The following VASH2 variants were observed in gnomAD, a reference collection of about 807,000 sequenced individuals.
VASH2 encodes the protein tubulinyl-Tyr carboxypeptidase 2.
In VASH2, 28 loss-of-function variants were observed where a neutral mutation model predicts 37.2. The ratio of observed to expected loss-of-function variants is 0.75; its 90% CI spans 0.56 to 1.03. The LOEUF (loss-of-function observed/expected upper bound fraction) is 1.03. Among genes scored for constraint, VASH2 ranks in the 50% least tolerant of loss-of-function variants. The pLI, the probability that VASH2 is intolerant of heterozygous loss-of-function variation, is 0.00. For synonymous variants in VASH2, 188 were observed against 174.7 expected (o/e 1.08, Z -0.60); for missense variants, 419 against 459.1 (o/e 0.91, Z 0.80).
At chr1:212,979,733 C>A (rs1041835802) in intron 7 of VASH2, among the ~76,000 whole-genome samples, 54 of 152,164 alleles carry the variant, frequency 3.5e-4, no homozygotes, top group African/African-American at 1.3e-3. Context: ...AGAGGGAAAC[C>A]AGGACTCCCC....
intron 2 of VASH2, among the ~76,000 whole-genome samples, chr1:212,957,411 CA>C (rs1666530463): frequency 6.6e-6 from 1 of 152,102 alleles, no homozygotes; most frequent in Non-Finnish European, 1.5e-5. Flanking sequence ...TCATTGTCAC[CA>C]ATGCATCCCC....
chr1:212,962,766 A>G (rs1666716687), intron 3 of VASH2, among the ~76,000 whole-genome samples: 1 of 152,218 alleles, frequency 6.6e-6, no homozygotes. Context: ...CCGGTCTCCA[A>G]GAGTGAGGCT....
rs1425924285 is a variant in VASH2, at chr1:212,961,219, G to A, written c.330G>A (p.Trp110Ter). Residue 110 changes from tryptophan to a stop codon, truncating the protein, a stop_gained, in exon 3 of 8, where the codon TGG becomes TGA. Coordinates refer to ENST00000517399, the MANE Select transcript of VASH2 (RefSeq NM_001301056.2). LOFTEE classifies it high-confidence loss of function. ...GGCTGTCGATGACGATCCCAGACTG[G>A]CTCCAGGCGATCCAGAATTACATGA... Reference protein sequence around the residue: ...NYRLSMTIPDWLQAIQNYMKT... With the variant: ...NYRLSMTIPD The A allele has an allele frequency of 6.2e-7, 1 of 1,614,076 alleles. No individual in the cohort carries two copies. Among genetic ancestry groups the A allele is most frequent in the African/African-American group, 1.3e-5 (1 of 74,924 alleles).
At chr1:212,959,560 A>G (rs1398886969) in intron 2 of VASH2, among the ~76,000 whole-genome samples, 1 of 152,250 alleles carries the variant, frequency 6.6e-6, no homozygotes, top group Non-Finnish European at 1.5e-5. Context: ...TTTCAAAGCC[A>G]AGAGAGAATT....
rs540211756 is a variant in VASH2, at chr1:212,989,020, T to A, written c.*436T>A. The A allele has an allele frequency of 4.8e-5, 8 of 167,412 alleles. No individual in the cohort carries two copies. Among genetic ancestry groups the A allele is most frequent in the South Asian group, 1.5e-4 (1 of 6,514 alleles). The allele number at this position is 167,412 out of a possible 1,614,324, so 10.4% of individuals were successfully genotyped here. ...AAAGCAAAAATGGGTGGGTTTTTTTTAAGCAGTTATTACCTCAGCATTTTG... is the reference window on the plus strand; with the variant it reads ...AAAGCAAAAATGGGTGGGTTTTTTTAAAGCAGTTATTACCTCAGCATTTTG... On this transcript the variant is annotated 3_prime_UTR_variant, in exon 8 of 8. Transcript: ENST00000517399.
rs375989731 is a variant in VASH2, at chr1:212,969,403, A to G, written c.497+3058A>G. ...AGTAGAGACAGGGTTTCACTGTGTTAGCCAGGATGGTCTCAATCTGCTGAC... is the reference window on the plus strand; with the variant it reads ...AGTAGAGACAGGGTTTCACTGTGTTGGCCAGGATGGTCTCAATCTGCTGAC... On this transcript the variant is annotated intron_variant, in intron 5 of 7. Transcript: ENST00000517399. Among the ~76,000 whole-genome samples, 9 of 152,148 alleles carry G rather than the reference A, an allele frequency of 5.9e-5. No individual in the cohort carries two copies. The East Asian group carries it at 7.8e-4, about 13-fold the overall frequency.
intron 7 of VASH2, among the ~76,000 whole-genome samples, chr1:212,986,236 GCCTTAT>G (rs1410427672): frequency 2.6e-5 from 4 of 152,154 alleles, no homozygotes; most frequent in Non-Finnish European, 5.9e-5. Context: ...TTATCCTTTT[GCCTTAT>G]CCTGCAGGCA....
At position 212,972,981 on chromosome 1, in the gene VASH2, G is replaced by T. The variant is rs766063360; in HGVS notation, c.879+20G>T. 25 of 1,603,084 alleles carry T rather than the reference G, an allele frequency of 1.6e-5. No individual in the cohort carries two copies. In the Admixed American group the frequency reaches 3.9e-4, roughly 25 times the overall value. ...ATGAAGGTGGGTGCTGGGAAGACAA[G>T]GAAGCCATGCAGGAGAGCTCTTTTC... On this transcript the variant is annotated intron_variant, in intron 6 of 7. Transcript: ENST00000517399.
At chr1:212,973,319 A>G (rs1298206493) in intron 6 of VASH2, 1 of 1,183,462 alleles carries the variant, frequency 8.4e-7, no homozygotes, top group Non-Finnish European at 1.1e-6. Context: ...AAACCTGGAA[A>G]ACCTTATATG....
At position 212,971,001 on chromosome 1, in the gene VASH2, C is replaced by G. The variant is rs190655175; in HGVS notation, c.498-1579C>G. Among the ~76,000 whole-genome samples the G allele has an allele frequency of 5.3e-5, 8 of 152,232 alleles. No individual in the cohort carries two copies. Among genetic ancestry groups the G allele is most frequent in the Non-Finnish European group, 8.8e-5 (6 of 68,006 alleles). On this transcript the variant is annotated intron_variant, in intron 5 of 7. Transcript: ENST00000517399. This position sits in a 1 kb window ranked among gnomAD's most constrained non-coding sequence, Gnocchi z 4.0. ...AGCCCCTGCCCACCACCGTTCTACTCTCTGTCTGTATGCACTTGCTACTCC... is the reference window on the plus strand; with the variant it reads ...AGCCCCTGCCCACCACCGTTCTACTGTCTGTCTGTATGCACTTGCTACTCC...
At chr1:212,963,160 A>G (rs1666728162) in intron 3 of VASH2, among the ~76,000 whole-genome samples, 1 of 152,200 alleles carries the variant, frequency 6.6e-6, no homozygotes, top group Admixed American at 6.5e-5. Context: ...TAAACCTGAC[A>G]GCATATTCTC....
rs114311087 is a variant in VASH2, at chr1:212,957,755, C to T, written c.277-3411C>T. On this transcript the variant is annotated intron_variant, in intron 2 of 7. Transcript: ENST00000517399. ...CCTGCCAAGTAGCTGGGTTTACAGG[C>T]GCCTACCACCATGCCCAGCTGATTT... is the stretch of plus-strand genomic sequence containing the variant. Among the ~76,000 whole-genome samples, 550 of 152,030 alleles carry T rather than the reference C, an allele frequency of 3.6e-3. 3 individuals are homozygous for T. Among genetic ancestry groups the T allele is most frequent in the African/African-American group, 0.013 (528 of 41,472 alleles).
intron 5 of VASH2, 69 bp downstream of exon 5, chr1:212,966,414 CT>C: frequency 7.7e-7 from 1 of 1,293,860 alleles, no homozygotes; most frequent in Non-Finnish European, 1.1e-6. Flanking sequence ...CTTGTTGTGC[CT>C]TTAACATTGT....
chr1:212,981,440 C>A (rs1054324453), intron 7 of VASH2, among the ~76,000 whole-genome samples: 3 of 152,206 alleles, frequency 2.0e-5, no homozygotes, highest in African/African-American at 7.2e-5. Flanking sequence ...TGCGGCCTAC[C>A]CAGACCGGCC....
At chr1:212,972,441 A>T (rs2102644531) in intron 5 of VASH2, 139 bp from the exon 6 acceptor site, 2 of 940,570 alleles carry the variant, frequency 2.1e-6, no homozygotes, top group Non-Finnish European at 3.2e-6. Flanking sequence ...TAAAAGGATT[A>T]GTCTGGAAAA....
intron 7 of VASH2, among the ~76,000 whole-genome samples, chr1:212,982,021 C>T (rs1393052714): frequency 6.6e-6 from 1 of 152,190 alleles, no homozygotes; most frequent in Non-Finnish European, 1.5e-5. Flanking sequence ...ATAGCAGTGG[C>T]AGAGAGTAGT....
At chr1:212,956,544 A>T (rs187019187) in intron 2 of VASH2, among the ~76,000 whole-genome samples, 3 of 152,316 alleles carry the variant, frequency 2.0e-5, no homozygotes, top group Admixed American at 1.3e-4. Context: ...AATTGATGAA[A>T]TCTGGCAGGA....
chr1:212,985,785 GAAAGAA>G (rs1268825582), intron 7 of VASH2, among the ~76,000 whole-genome samples: 1 of 151,854 alleles, frequency 6.6e-6, no homozygotes, highest in African/African-American at 2.4e-5. Flanking sequence ...AAGAACAAAG[GAAAGAA>G]AAAGATGAAG....
intron 5 of VASH2, chr1:212,968,962 C>T (rs754268672): frequency 7.5e-5 from 74 of 985,280 alleles, no homozygotes; most frequent in Middle Eastern, 5.2e-4. Flanking sequence ...TATACATTTG[C>T]GCATCATGCC....
Sources: gnomAD v4.1 joint callset for allele counts (sites outside exome capture counted in the v4.1 genomes callset) on GRCh38, gnomAD v4.1.1 for gene constraint, Gnocchi (gnomAD v3.1) non-coding constraint, MANE v1.5 for transcripts, NCBI Gene and HGNC (gene_info 2026-07-23, HGNC 2026-07-21) for gene names.